DPP6: variants seen among roughly 807,000 people sequenced by gnomAD.
The protein encoded by DPP6 is dipeptidyl peptidase like 6.
A neutral mutation model predicts 122.6 loss-of-function variants in DPP6; 69 were observed. The observed-to-expected ratio is 0.56, with a 90% CI of 0.46 to 0.69. The LOEUF (loss-of-function observed/expected upper bound fraction) is 0.69, where lower values mean the gene tolerates loss of function less well. DPP6 is among the 30% of genes least tolerant of loss of function. The pLI is 0.00. For synonymous variants in DPP6, 418 were observed against 433.1 expected (o/e 0.97, Z 0.43); for missense variants, 928 against 1,116.9 (o/e 0.83, Z 2.41).
At chr7:153,894,551 G>A (rs2128995298) in intron 1 of DPP6, among the ~76,000 whole-genome samples, 1 of 152,290 alleles carries the variant, frequency 6.6e-6, no homozygotes, top group East Asian at 1.9e-4. Flanking sequence ...GGCAATGGCT[G>A]AACAGTAGAA....
chr7:154,374,042 C>A (rs1812900907), intron 1 of DPP6, among the ~76,000 whole-genome samples: 1 of 152,086 alleles, frequency 6.6e-6, no homozygotes, highest in African/African-American at 2.4e-5. Flanking sequence ...TGTTAGAAAC[C>A]AGCCTATTTT....
chr7:154,435,701 A>G (rs559998309), intron 1 of DPP6, among the ~76,000 whole-genome samples: 2 of 152,320 alleles, frequency 1.3e-5, no homozygotes, highest in South Asian at 4.1e-4. Context: ...TGGAAATACA[A>G]TGATTAGAAG....
intron 5 of DPP6, among the ~76,000 whole-genome samples, chr7:154,584,234 C>T (rs1271860591): frequency 6.6e-6 from 1 of 152,200 alleles, no homozygotes; most frequent in South Asian, 2.1e-4. Flanking sequence ...TCCCTCTCAC[C>T]TCTGGGCCTT....
chr7:153,858,270 A>G, the DPP6 span, among the ~76,000 whole-genome samples: 1 of 152,206 alleles, frequency 6.6e-6, no homozygotes. Flanking sequence ...GGCATGACAC[A>G]GATGACTGTA....
At chr7:154,389,764 C>T (rs1814449678) in intron 1 of DPP6, among the ~76,000 whole-genome samples, 1 of 152,254 alleles carries the variant, frequency 6.6e-6, no homozygotes, top group South Asian at 2.1e-4. Flanking sequence ...GACAAAAGCC[C>T]ATTTAATTAA....
chr7:154,778,070 T>C (rs931877953), intron 10 of DPP6, among the ~76,000 whole-genome samples: 9 of 152,180 alleles, frequency 5.9e-5, no homozygotes, highest in East Asian at 1.9e-4. Context: ...TAGGCACTTA[T>C]GTCGAATGCT....
intron 4 of DPP6, among the ~76,000 whole-genome samples, chr7:154,555,537 A>C (rs1439373985): frequency 4.6e-5 from 7 of 152,164 alleles, no homozygotes; most frequent in Non-Finnish European, 7.3e-5. Flanking sequence ...TAATGGGTGC[A>C]GCACACCAAC....
At chr7:154,271,752 C>T (rs1459363123) in intron 1 of DPP6, among the ~76,000 whole-genome samples, 1 of 152,156 alleles carries the variant, frequency 6.6e-6, no homozygotes, top group African/African-American at 2.4e-5. Context: ...GGCTGCCACT[C>T]TCATCCAGGG....
chr7:154,834,384 G>A (rs1230382936), intron 16 of DPP6, among the ~76,000 whole-genome samples: 1 of 151,918 alleles, frequency 6.6e-6, no homozygotes, highest in African/African-American at 2.4e-5. Context: ...GCTGAGGCAG[G>A]GGAATCACTT....
At chr7:154,044,557 G>A (rs568828812) in intron 1 of DPP6, among the ~76,000 whole-genome samples, 2 of 152,138 alleles carry the variant, frequency 1.3e-5, no homozygotes, top group Non-Finnish European at 2.9e-5. Context: ...TGCACCTGTG[G>A]TTCAGAGAAT....
chr7:154,239,161 G>T (rs544494122), intron 1 of DPP6, among the ~76,000 whole-genome samples: 1 of 152,152 alleles, frequency 6.6e-6, no homozygotes, highest in Non-Finnish European at 1.5e-5. Flanking sequence ...TCATGGTACC[G>T]AGCTTCAGAC....
At chr7:154,629,137 T>C (rs552279230) in intron 5 of DPP6, among the ~76,000 whole-genome samples, 2 of 152,304 alleles carry the variant, frequency 1.3e-5, no homozygotes, top group South Asian at 4.1e-4. Context: ...GGGGACTGTC[T>C]ATTGTGTTAA....
At chr7:154,074,526 C>T (rs1258654969) in intron 1 of DPP6, among the ~76,000 whole-genome samples, 1 of 152,180 alleles carries the variant, frequency 6.6e-6, no homozygotes, top group African/African-American at 2.4e-5. Flanking sequence ...TTCTTGTTAC[C>T]AGCTGGGCTG....
At chr7:154,866,576 G>A (rs1294357397) in intron 17 of DPP6, among the ~76,000 whole-genome samples, 9 of 152,228 alleles carry the variant, frequency 5.9e-5, no homozygotes, top group Admixed American at 1.3e-4. Context: ...CCTTGCAGAC[G>A]TAGCTGTGTT....
chr7:154,197,276 C>T (rs375943408), intron 1 of DPP6, among the ~76,000 whole-genome samples: 1 of 151,824 alleles, frequency 6.6e-6, no homozygotes, highest in South Asian at 2.1e-4. Context: ...ATGATTTATT[C>T]AGAGAAATAA....
At chr7:154,178,687 T>C (rs1044434098) in intron 1 of DPP6, among the ~76,000 whole-genome samples, 2 of 152,190 alleles carry the variant, frequency 1.3e-5, no homozygotes, top group African/African-American at 2.4e-5. Context: ...ATCACGTTTA[T>C]ATAGGATTTT....
In DPP6 at chr7:154,481,101, T is replaced by C. The variant is rs961600998; in HGVS notation, c.457+6064T>C. On this transcript the variant is annotated intron_variant, in intron 3 of 25. Coordinates refer to ENST00000377770, the MANE Select transcript of DPP6 (RefSeq NM_130797.4). This position sits in a 1 kb window ranked among gnomAD's most constrained non-coding sequence, Gnocchi z 4.2. ...GCAGCAGGAAGGACCGAGGCTCTAC[T>C]CCGGCACCTCAGGTACTAGCTCAGG... 4.6e-5 allele frequency among the ~76,000 whole-genome samples: 7 copies of C among 151,984 alleles called. No homozygotes were observed. Among genetic ancestry groups the C allele is most frequent in the Admixed American group, 2.6e-4 (4 of 15,268 alleles).
At chr7:153,981,620 G>A (rs1165016600) in intron 1 of DPP6, among the ~76,000 whole-genome samples, 2 of 152,166 alleles carry the variant, frequency 1.3e-5, no homozygotes, top group African/African-American at 2.4e-5. Context: ...ATTAGTTGAT[G>A]CAGTTTCTTC....
chr7:154,487,103 G>T (rs972460948), intron 3 of DPP6, among the ~76,000 whole-genome samples: 5 of 152,084 alleles, frequency 3.3e-5, no homozygotes, highest in Admixed American at 1.3e-4. Context: ...AACTTTATTT[G>T]TTTGCAGTAT....
Sources: gnomAD v4.1 joint callset for allele counts (sites outside exome capture counted in the v4.1 genomes callset) on GRCh38, gnomAD v4.1.1 for gene constraint, Gnocchi (gnomAD v3.1) non-coding constraint, MANE v1.5 for transcripts, NCBI Gene and HGNC (gene_info 2026-07-23, HGNC 2026-07-21) for gene names.